Variants in KIAA1217 observed in about 807,000 individuals in gnomAD.
The protein encoded by KIAA1217 is sickle tail protein homolog.
Under a neutral mutation model 163.9 loss-of-function variants are expected in KIAA1217, and 88 were observed. The observed-to-expected ratio is 0.54, with a 90% CI of 0.45 to 0.64. KIAA1217 has a LOEUF of 0.64. Among genes scored for constraint, KIAA1217 ranks in the 30% least tolerant of loss-of-function variants. The pLI is 0.00. For synonymous variants in KIAA1217, 903 were observed against 923.1 expected (o/e 0.98, Z 0.39); for missense variants, 2,372 against 2,475.0 (o/e 0.96, Z 0.88).
intron 1 of KIAA1217, among the ~76,000 whole-genome samples, chr10:23,757,557 G>A (rs1009371038): frequency 1.4e-4 from 21 of 151,780 alleles, no homozygotes; most frequent in East Asian, 5.8e-4. Flanking sequence ...TCACTCTGTC[G>A]CCCAGGCTGG....
intron 2 of KIAA1217, among the ~76,000 whole-genome samples, chr10:24,325,155 G>A (rs186823761): frequency 1.3e-5 from 2 of 152,306 alleles, no homozygotes; most frequent in East Asian, 3.9e-4. Context: ...TTTCTGACTT[G>A]TCTTCATTCC....
chr10:24,518,004 AT>A (rs558670916), intron 10 of KIAA1217, among the ~76,000 whole-genome samples: 296 of 152,358 alleles, frequency 1.9e-3, no homozygotes, highest in African/African-American at 6.6e-3. Flanking sequence ...AAATAAAAAA[AT>A]AAAACTATGA....
At chr10:24,153,958 A>ATT (rs753825154) in intron 2 of KIAA1217, among the ~76,000 whole-genome samples, 50 of 135,352 alleles carry the variant, frequency 3.7e-4, no homozygotes, top group African/African-American at 9.2e-4. Context: ...TACAAAAAAT[A>ATT]TTTTTTTTTT....
intron 1 of KIAA1217, among the ~76,000 whole-genome samples, chr10:23,701,649 C>T (rs1339520218): frequency 6.6e-6 from 1 of 152,166 alleles, no homozygotes; most frequent in African/African-American, 2.4e-5. Context: ...CTGTAAAGCC[C>T]TCCCTAGGGC....
intron 1 of KIAA1217, among the ~76,000 whole-genome samples, chr10:23,912,989 T>A (rs546220051): frequency 1.3e-5 from 2 of 152,292 alleles, no homozygotes; most frequent in African/African-American, 4.8e-5. Flanking sequence ...AGCCTGTCAG[T>A]TTCTCTTCTG....
intron 2 of KIAA1217, among the ~76,000 whole-genome samples, chr10:24,266,584 A>G (rs1429332671): frequency 2.0e-5 from 3 of 152,170 alleles, no homozygotes; most frequent in Non-Finnish European, 4.4e-5. Flanking sequence ...CGCACCAATC[A>G]GCGCTCTGTA....
rs1000250965 is a variant in KIAA1217, at chr10:23,947,867, A to G, written c.-320-59358A>G. Among the ~76,000 whole-genome samples the G allele has an allele frequency of 7.5e-4, 114 of 152,212 alleles. 1 individual carries two copies. Among genetic ancestry groups the G allele is most frequent in the Non-Finnish European group, 3.1e-4 (21 of 68,038 alleles). On this transcript the variant is annotated intron_variant, in intron 1 of 18. Transcript: ENST00000376462. ...CAATTATAAAGAAACATCTAAATAA[A>G]GGGAAATTACTGGCTCCCATCATCT...
intron 2 of KIAA1217, among the ~76,000 whole-genome samples, chr10:24,083,264 A>G (rs2061595311): frequency 1.3e-5 from 2 of 152,296 alleles, no homozygotes; most frequent in African/African-American, 2.4e-5. Flanking sequence ...TGTGCCACAG[A>G]TGACTATTAT....
At chr10:24,534,374 T>C (rs2073635619) in intron 16 of KIAA1217, among the ~76,000 whole-genome samples, 1 of 152,228 alleles carries the variant, frequency 6.6e-6, no homozygotes, top group African/African-American at 2.4e-5. Flanking sequence ...ATTGTTTTCA[T>C]AGGAACTACA....
chr10:24,483,989 C>T (rs1418480511), intron 6 of KIAA1217, among the ~76,000 whole-genome samples: 2 of 151,866 alleles, frequency 1.3e-5, no homozygotes, highest in East Asian at 3.9e-4. Context: ...AGCCCTGGAT[C>T]CGAGAAAGCC....
intron 2 of KIAA1217, among the ~76,000 whole-genome samples, chr10:24,293,453 C>A (rs1358644053): frequency 6.6e-6 from 1 of 152,208 alleles, no homozygotes; most frequent in Non-Finnish European, 1.5e-5. Flanking sequence ...CCCGGCCCTT[C>A]CACTCTAGAG....
intron 1 of KIAA1217, among the ~76,000 whole-genome samples, chr10:23,952,581 C>T (rs1361038238): frequency 2.6e-5 from 4 of 152,182 alleles, no homozygotes; most frequent in Non-Finnish European, 4.4e-5. Context: ...CCATTTTCTC[C>T]ATTTAGGGAC....
At chr10:24,055,003 ATAC>A (rs1399205139) in intron 2 of KIAA1217, among the ~76,000 whole-genome samples, 2 of 152,286 alleles carry the variant, frequency 1.3e-5, no homozygotes, top group African/African-American at 4.8e-5. Context: ...ATGGTGGCTC[ATAC>A]CTATAATCCT....
chr10:24,528,321 T>TTG (rs1564870191), intron 14 of KIAA1217, among the ~76,000 whole-genome samples: 3 of 71,700 alleles, frequency 4.2e-5, no homozygotes, highest in African/African-American at 4.4e-5. Flanking sequence ...TTTTTTTTTT[T>TTG]GTTTTTTTTT....
At chr10:23,759,441 C>T (rs932610902) in intron 1 of KIAA1217, among the ~76,000 whole-genome samples, 3 of 152,074 alleles carry the variant, frequency 2.0e-5, no homozygotes, top group African/African-American at 7.2e-5. Context: ...ACTTCCAGTA[C>T]TGTGTTGAAT....
At chr10:23,912,698 T>G (rs1842485347) in intron 1 of KIAA1217, among the ~76,000 whole-genome samples, 2 of 152,220 alleles carry the variant, frequency 1.3e-5, no homozygotes, top group African/African-American at 4.8e-5. Flanking sequence ...TTCTATGGTG[T>G]TGTGTTTCTA....
At chr10:24,255,070 G>A (rs189145679) in intron 2 of KIAA1217, among the ~76,000 whole-genome samples, 92 of 152,196 alleles carry the variant, frequency 6.0e-4, no homozygotes, top group African/African-American at 2.1e-3. Flanking sequence ...GGCCAGGCTG[G>A]TCTCGAACTC....
At chr10:24,138,902 G>A (rs1289020409) in intron 2 of KIAA1217, among the ~76,000 whole-genome samples, 1 of 152,136 alleles carries the variant, frequency 6.6e-6, no homozygotes, top group Non-Finnish European at 1.5e-5. Context: ...ACATTATGGT[G>A]TAGCTTCAAT....
rs201432790 is a variant in KIAA1217, at chr10:24,536,843, C to A, written c.3484C>A (p.His1162Asn). The A allele has an allele frequency of 8.1e-6, 13 of 1,614,060 alleles. No individual in the cohort carries two copies. The highest frequency in any genetic ancestry group is 1.1e-5 in the Non-Finnish European group (13 of 1,179,988). Residue 1162 changes from histidine to asparagine, a missense_variant, in exon 17 of 21, where the codon CAC (histidine) becomes AAC (asparagine). Physicochemically the swap from His to Asn is moderately conservative, Grantham distance 68. Transcript: ENST00000376454. ...TGCTGAGCCATCCCGGGCTGACAGT[C>A]ACGTTAAAGACACTAGGTCGGGCGC... Reference protein sequence around the residue: ...SHAEPSRADSHVKDTRSGATV... With the variant: ...SHAEPSRADSNVKDTRSGATV...
Sources: gnomAD v4.1 joint callset for allele counts (sites outside exome capture counted in the v4.1 genomes callset) on GRCh38, gnomAD v4.1.1 for gene constraint, MANE v1.5 for transcripts, NCBI Gene and HGNC (gene_info 2026-07-23, HGNC 2026-07-21) for gene names.